GPBP1: variants seen among roughly 807,000 people sequenced by gnomAD.
GPBP1 encodes the protein GC-rich promoter binding protein 1.
GPBP1 carries 13 observed loss-of-function variants against 56.5 expected under a neutral mutation model. The observed-to-expected ratio is 0.23, with a 90% CI of 0.15 to 0.37. The LOEUF (loss-of-function observed/expected upper bound fraction) is 0.37, where lower values mean the gene tolerates loss of function less well. Ranked by LOEUF, GPBP1 falls within the 10% of genes least tolerant of loss-of-function variation. The pLI, the probability that GPBP1 is intolerant of heterozygous loss-of-function variation, is 1.00. For synonymous variants in GPBP1, 204 were observed against 188.9 expected (o/e 1.08, Z -0.66); for missense variants, 477 against 572.3 (o/e 0.83, Z 1.70).
At position 57,243,791 on chromosome 5, in the gene GPBP1, T is replaced by A. The variant is rs1740946656; in HGVS notation, c.479-2509T>A. ...CAGCCTCAACCTGGGCTCAAGGGATTCTCCTATGTCAGCCCCCCAAGTAGC... is the reference window on the plus strand; with the variant it reads ...CAGCCTCAACCTGGGCTCAAGGGATACTCCTATGTCAGCCCCCCAAGTAGC... On this transcript the variant is annotated intron_variant, in intron 6 of 11. Coordinates refer to ENST00000506184, the MANE Select transcript of GPBP1 (RefSeq NM_022913.4). Among the ~76,000 whole-genome samples the A allele has an allele frequency of 2.6e-5, 4 of 151,804 alleles. No homozygotes were observed. The South Asian group carries it at 8.3e-4, about 32-fold the overall frequency.
intron 3 of GPBP1, among the ~76,000 whole-genome samples, chr5:57,222,738 GT>G (rs1756006967): frequency 6.6e-6 from 1 of 152,086 alleles, no homozygotes; most frequent in South Asian, 2.1e-4. Flanking sequence ...GAATCAGAAG[GT>G]TTGTACATTT....
rs1215217937 is a variant in GPBP1, at chr5:57,240,847, GC to G, written c.478+4817del. Among the ~76,000 whole-genome samples, 5 of 151,942 alleles carry G rather than the reference GC, an allele frequency of 3.3e-5. No individual in the cohort carries two copies. In the South Asian group the frequency reaches 1.0e-3, roughly 32 times the overall value. On this transcript the variant is annotated intron_variant, in intron 6 of 11. Coordinates refer to ENST00000506184, the MANE Select transcript of GPBP1 (RefSeq NM_022913.4). The stretch of plus-strand genomic sequence containing the variant: ...AATTTAGCTGGGTGTGGTGGCACAT[GC>G]CTGTAATTCCAGCTACTCGGGAGGC...
chr5:57,233,847 A>G (rs561946343), intron 5 of GPBP1, among the ~76,000 whole-genome samples: 1 of 152,328 alleles, frequency 6.6e-6, no homozygotes, highest in African/African-American at 2.4e-5. Context: ...TAGTACTCTC[A>G]TAGTGTTGTG....
chr5:57,211,415 C>G (rs1215483245), intron 2 of GPBP1, among the ~76,000 whole-genome samples: 3 of 152,152 alleles, frequency 2.0e-5, no homozygotes, highest in Non-Finnish European at 4.4e-5. Flanking sequence ...CCTCAATCTC[C>G]TGGGCTCAAG....
chr5:57,203,845 T>C (rs1321971449), intron 2 of GPBP1, among the ~76,000 whole-genome samples: 3 of 152,186 alleles, frequency 2.0e-5, no homozygotes, highest in Non-Finnish European at 4.4e-5. Flanking sequence ...AACAGATAGC[T>C]TGGTAACTAA....
At position 57,178,049 on chromosome 5, in the gene GPBP1, T is replaced by C. The variant is rs528097715; in HGVS notation, c.-58+1649T>C. Among the ~76,000 whole-genome samples the C allele has an allele frequency of 6.6e-5, 10 of 152,282 alleles. No individual in the cohort carries two copies. In the South Asian group the frequency reaches 1.5e-3, roughly 22 times the overall value. ...CTGTCAGACCTGTGTGTAGTAATTC[T>C]AATTGAGTGTCTACCTTGATTTATA... On this transcript the variant is annotated intron_variant, in intron 2 of 11. Transcript: ENST00000506184.
intron 3 of GPBP1, among the ~76,000 whole-genome samples, chr5:57,227,420 C>T (rs997775560): frequency 3.3e-5 from 5 of 152,100 alleles, no homozygotes; most frequent in Non-Finnish European, 5.9e-5. Flanking sequence ...TCTCAAGCTC[C>T]TGACCTCAAG....
intron 3 of GPBP1, among the ~76,000 whole-genome samples, chr5:57,220,175 A>G (rs1755894144): frequency 6.6e-6 from 1 of 151,988 alleles, no homozygotes; most frequent in South Asian, 2.1e-4. Flanking sequence ...AAAAAAATAG[A>G]GACAGGGTCT....
intron 2 of GPBP1, among the ~76,000 whole-genome samples, chr5:57,194,686 A>AG (rs1754672177): frequency 6.6e-6 from 1 of 152,090 alleles, no homozygotes; most frequent in South Asian, 2.1e-4. Flanking sequence ...CCCAGCCTCT[A>AG]GTAACCATTA....
intron 2 of GPBP1, among the ~76,000 whole-genome samples, chr5:57,211,106 TTTAA>T (rs1256384163): frequency 2.0e-5 from 3 of 151,756 alleles, no homozygotes; most frequent in African/African-American, 2.4e-5. Flanking sequence ...CTTGTGAAAC[TTTAA>T]TTAGCCTTTA....
Position 57,262,693 on chromosome 5 carries a change from A to C in GPBP1, c.1363A>C (p.Thr455Pro). Residue 455 changes from threonine (T) to proline (P), a missense_variant, in exon 12 of 12, where the codon ACT becomes CCT. Physicochemically the swap from Thr to Pro is conservative, Grantham distance 38 (BLOSUM62 -1). This residue lies in a region of GPBP1 where 63 missense variants were observed against 114.0 expected (regional missense o/e 0.55). Transcript: ENST00000506184. Reference sequence around the variant, plus strand: ...GAAGAACAGCACTTTCAAACCCACAACTGAGAATGATGACACAGAGACAAG... The same window carrying C: ...GAAGAACAGCACTTTCAAACCCACACCTGAGAATGATGACACAGAGACAAG... ...PWKNSTFKPT[T>P]ENDDTETSSS... 1 of 1,613,900 alleles carries C rather than the reference A, an allele frequency of 6.2e-7. No individual in the cohort carries two copies. Among genetic ancestry groups the C allele is most frequent in the South Asian group, 1.1e-5 (1 of 91,074 alleles).
intron 2 of GPBP1, among the ~76,000 whole-genome samples, chr5:57,200,021 C>CTTTTT (rs61426559): frequency 1.0e-4 from 6 of 58,888 alleles, no homozygotes; most frequent in African/African-American, 2.4e-4. Flanking sequence ...ACTTGAAAAT[C>CTTTTT]TTTTTTTTTT....
At chr5:57,239,795 A>C (rs1474281347) in intron 6 of GPBP1, among the ~76,000 whole-genome samples, 1 of 152,136 alleles carries the variant, frequency 6.6e-6, no homozygotes, top group East Asian at 1.9e-4. Context: ...AAACATTAGA[A>C]ACCAACAACA....
At chr5:57,187,169 G>A (rs1754329312) in intron 2 of GPBP1, among the ~76,000 whole-genome samples, 2 of 151,984 alleles carry the variant, frequency 1.3e-5, no homozygotes, top group Admixed American at 1.3e-4. Context: ...GAAATTTGGA[G>A]CAACAGGGAA....
chr5:57,184,381 C>G (rs1754195337), intron 2 of GPBP1, among the ~76,000 whole-genome samples: 1 of 152,018 alleles, frequency 6.6e-6, no homozygotes, highest in Admixed American at 6.6e-5. Context: ...GTGTAGGAAT[C>G]TTGGTAGTGG....
intron 5 of GPBP1, among the ~76,000 whole-genome samples, chr5:57,234,043 C>A (rs995032759): frequency 5.9e-5 from 9 of 152,100 alleles, no homozygotes; most frequent in African/African-American, 2.2e-4. Context: ...TTTAAAGATG[C>A]TATGCACATG....
At chr5:57,218,874 C>G (rs540459743) in intron 3 of GPBP1, among the ~76,000 whole-genome samples, 59 of 152,224 alleles carry the variant, frequency 3.9e-4, no homozygotes, top group Non-Finnish European at 7.1e-4. Flanking sequence ...ATAAAATTCT[C>G]CTATAGAATA....
At chr5:57,242,053 A>T (rs564112994) in intron 6 of GPBP1, among the ~76,000 whole-genome samples, 1 of 152,242 alleles carries the variant, frequency 6.6e-6, no homozygotes, top group Non-Finnish European at 1.5e-5. Flanking sequence ...ACCATTAAGA[A>T]CACTTCTTTT....
intron 10 of GPBP1, among the ~76,000 whole-genome samples, chr5:57,254,752 T>C (rs529707792): frequency 2.0e-5 from 3 of 152,282 alleles, no homozygotes; most frequent in Admixed American, 6.5e-5. Context: ...AATAATTTAT[T>C]GGGCTGATGA....
Sources: gnomAD v4.1 joint callset for allele counts (sites outside exome capture counted in the v4.1 genomes callset) on GRCh38, gnomAD v4.1.1 for gene constraint, gnomAD v4.1.1 regional missense constraint, MANE v1.5 for transcripts, NCBI Gene and HGNC (gene_info 2026-07-23, HGNC 2026-07-21) for gene names.